The following NCS1 variants were observed in gnomAD, a reference collection of about 807,000 sequenced individuals.
NCS1 encodes frequenin homolog.
In NCS1, 6 loss-of-function variants were observed where a neutral mutation model predicts 28.4. That is an observed-to-expected ratio of 0.21 (90% CI 0.12 to 0.42). The LOEUF is 0.42. Ranked by LOEUF, NCS1 falls within the 10% of genes least tolerant of loss-of-function variation. The pLI is 1.00. For synonymous variants in NCS1, 86 were observed against 99.3 expected, an observed-to-expected ratio of 0.87 and a Z score of 0.79; for missense variants, 131 against 241.4, an observed-to-expected ratio of 0.54 and a Z score of 3.03.
chr9:130,173,152 CGCT>C (rs1832512204), intron 1 of NCS1, among the ~76,000 whole-genome samples: 1 of 151,614 alleles, frequency 6.6e-6, no homozygotes, highest in Admixed American at 6.6e-5. Context: ...CCGCCGCCGC[CGCT>C]GCTGCGAGAT....
At chr9:130,206,686 A>C (rs1253114459) in intron 2 of NCS1, among the ~76,000 whole-genome samples, 2 of 151,844 alleles carry the variant, frequency 1.3e-5, no homozygotes, top group Non-Finnish European at 2.9e-5. Flanking sequence ...CTGGGATTAC[A>C]TGTGTGAGCC....
At chr9:130,230,307 C>T (rs548822979) in intron 7 of NCS1, among the ~76,000 whole-genome samples, 100 of 152,082 alleles carry the variant, frequency 6.6e-4, no homozygotes, top group Non-Finnish European at 1.2e-3. Flanking sequence ...GCCAAAACCA[C>T]TCCACTGCAC....
chr9:130,175,041 G>T lies in NCS1; in HGVS notation c.64+2314G>T, dbSNP rs1480470205. On this transcript the variant is annotated intron_variant, in intron 1 of 7. Coordinates refer to ENST00000372398, the MANE Select transcript of NCS1 (RefSeq NM_014286.4). The surrounding 1 kb of genome is among the most constrained non-coding windows in gnomAD (Gnocchi z 4.9). Reference sequence around the variant, plus strand: ...ACAGTTTTGGGCAGAGAGAGAGTTGGCCTGGGTACTTTTCCTCTGTCGAAG... The same window carrying T: ...ACAGTTTTGGGCAGAGAGAGAGTTGTCCTGGGTACTTTTCCTCTGTCGAAG... Among the ~76,000 whole-genome samples the T allele has an allele frequency of 6.6e-6, 1 of 152,082 alleles. No individual in the cohort carries two copies. The highest frequency in any genetic ancestry group is 6.6e-5 in the Admixed American group (1 of 15,258).
intron 4 of NCS1, among the ~76,000 whole-genome samples, chr9:130,220,543 G>T (rs545189305): frequency 6.6e-6 from 1 of 152,034 alleles, no homozygotes; most frequent in Admixed American, 6.6e-5. Context: ...CAGGGGGCCC[G>T]CGTGTGCGAG....
In NCS1 at chr9:130,226,520, G is replaced by A; in HGVS notation, c.*17+16G>A. ...CTGGAGCTGGGTGAGTGCAGACTCG[G>A]GGCCTGGGGTGGGTCTGGGATGGGT... On this transcript the variant is annotated intron_variant, in intron 7 of 7. Coordinates refer to ENST00000372398, the MANE Select transcript of NCS1 (RefSeq NM_014286.4). This position sits in a 1 kb window ranked among gnomAD's most constrained non-coding sequence, Gnocchi z 4.8. 1 of 1,586,478 alleles carries A rather than the reference G, an allele frequency of 6.3e-7. No individual in the cohort carries two copies. The highest frequency in any genetic ancestry group is 8.6e-7 in the Non-Finnish European group (1 of 1,159,934).
chr9:130,190,031 C>T (rs1172399044), intron 1 of NCS1, among the ~76,000 whole-genome samples: 1 of 37,436 alleles, frequency 2.7e-5, no homozygotes, highest in African/African-American at 9.5e-5. Context: ...TATGTTTATG[C>T]AAGAGAGAGA....
Position 130,226,628 on chromosome 9 carries a change from A to G in NCS1, c.*17+124A>G. The G allele has an allele frequency of 1.4e-6, 1 of 716,942 alleles. No homozygotes were observed. Among genetic ancestry groups the G allele is most frequent in the Non-Finnish European group, 2.4e-6 (1 of 421,064 alleles). The allele number at this position is 716,942 out of a possible 1,614,324, so 44.4% of individuals were successfully genotyped here. A position where few individuals can be genotyped will look rare whatever the true frequency, so the allele number is the denominator to read the frequency against. On this transcript the variant is annotated intron_variant, in intron 7 of 7. Transcript: ENST00000372398. This position sits in a 1 kb window ranked among gnomAD's most constrained non-coding sequence, Gnocchi z 4.8. ...CTGGGGGTGTTGTGGTCAGCCTAGC[A>G]GGGACATAGCTGGGAGGAGGAGGCT...
intron 2 of NCS1, among the ~76,000 whole-genome samples, chr9:130,205,239 G>A (rs1363868245): frequency 6.6e-6 from 1 of 152,112 alleles, no homozygotes; most frequent in African/African-American, 2.4e-5. Flanking sequence ...CTGGGAGGGG[G>A]ACACGAGCCT....
intron 1 of NCS1, among the ~76,000 whole-genome samples, chr9:130,187,140 G>T (rs957006072): frequency 1.2e-4 from 19 of 152,138 alleles, no homozygotes; most frequent in African/African-American, 3.6e-4. Flanking sequence ...GGAAAGCAGG[G>T]GAGCAATGTG....
At chr9:130,225,377 C>T (rs1045589091) in intron 6 of NCS1, among the ~76,000 whole-genome samples, 5 of 152,242 alleles carry the variant, frequency 3.3e-5, no homozygotes, top group Non-Finnish European at 7.3e-5. Flanking sequence ...ACCCAGCTGG[C>T]GTCTTGGTAA....
rs5900889 is a variant in NCS1, at chr9:130,235,120, A to ACCCC, written c.*2152_*2155dup. On this transcript the variant is annotated 3_prime_UTR_variant, in exon 8 of 8. Coordinates refer to ENST00000372398, the MANE Select transcript of NCS1 (RefSeq NM_014286.4). ...AGGACTGCACGCTGGCCCCACGGTA[A>ACCCC]CCCCCCCTCCCCCACCAACATCCTG... 6.7e-5 allele frequency: 10 copies of ACCCC among 148,502 alleles called. No homozygotes were observed. Among genetic ancestry groups the ACCCC allele is most frequent in the African/African-American group, 2.5e-4 (10 of 39,432 alleles). 9.2% of individuals were successfully genotyped at this position (148,502 alleles called of 1,614,324 possible).
intron 7 of NCS1, among the ~76,000 whole-genome samples, chr9:130,227,022 CAAA>C (rs782338218): frequency 2.3e-5 from 1 of 42,708 alleles, no homozygotes; most frequent in Non-Finnish European, 4.6e-5. Context: ...GACTCCATCT[CAAA>C]AAAAAAAAAA....
At chr9:130,184,122 T>A (rs1554905433) in intron 1 of NCS1, among the ~76,000 whole-genome samples, 1 of 152,142 alleles carries the variant, frequency 6.6e-6, no homozygotes, top group East Asian at 1.9e-4. Context: ...TTTTCTTTTC[T>A]TTCTTCTGCT....
chr9:130,178,126 A>G (rs2131114240), intron 1 of NCS1, among the ~76,000 whole-genome samples: 1 of 152,198 alleles, frequency 6.6e-6, no homozygotes, highest in Admixed American at 6.5e-5. Context: ...CGGCCTCCTG[A>G]AGTGTTGGGA....
Position 130,186,187 on chromosome 9 carries a change from A to G in NCS1, c.64+13460A>G, listed in dbSNP as rs1455474206. 1.3e-5 allele frequency among the ~76,000 whole-genome samples: 2 copies of G among 152,156 alleles called. No homozygotes were observed. Among genetic ancestry groups the G allele is most frequent in the Non-Finnish European group, 2.9e-5 (2 of 68,020 alleles). On this transcript the variant is annotated intron_variant, in intron 1 of 7. Transcript: ENST00000372398. The surrounding 1 kb of genome is among the most constrained non-coding windows in gnomAD (Gnocchi z 4.1). ...AGCTGCCTCGTGTTAGGCCCTGCGGATGCTGGGGCCACAGGGCAGGCTGGC... is the reference window on the plus strand; with the variant it reads ...AGCTGCCTCGTGTTAGGCCCTGCGGGTGCTGGGGCCACAGGGCAGGCTGGC...
In NCS1 at chr9:130,228,721, C is replaced by T. The variant is rs114008342; in HGVS notation, c.*17+2217C>T. On this transcript the variant is annotated intron_variant, in intron 7 of 7. Coordinates refer to ENST00000372398, the MANE Select transcript of NCS1 (RefSeq NM_014286.4). The stretch of plus-strand genomic sequence containing the variant: ...TCACTCCATCACCTAGGCTGGAGTG[C>T]AGTGACATGATTTCAGCTCACTGCA... Among the ~76,000 whole-genome samples, 558 of 150,276 alleles carry T rather than the reference C, an allele frequency of 3.7e-3. 6 individuals are homozygous for T. Among genetic ancestry groups the T allele is most frequent in the African/African-American group, 0.013 (538 of 40,840 alleles).
intron 4 of NCS1, among the ~76,000 whole-genome samples, chr9:130,221,671 A>C (rs1554910487): frequency 6.9e-6 from 1 of 145,468 alleles, no homozygotes; most frequent in East Asian, 2.0e-4. Flanking sequence ...ACCTCAGGTG[A>C]TCTGCCCGCC....
intron 1 of NCS1, among the ~76,000 whole-genome samples, chr9:130,184,248 G>A (rs1344232459): frequency 6.6e-6 from 1 of 152,222 alleles, no homozygotes; most frequent in Non-Finnish European, 1.5e-5. Flanking sequence ...AGAACTGGGA[G>A]AGGGATGCTG....
intron 2 of NCS1, among the ~76,000 whole-genome samples, chr9:130,212,163 C>T (rs535040598): frequency 2.0e-5 from 3 of 152,270 alleles, no homozygotes; most frequent in South Asian, 2.1e-4. Context: ...GGGGCAGAAT[C>T]GTTCCTGGAA....
Sources: gnomAD v4.1 joint callset for allele counts (sites outside exome capture counted in the v4.1 genomes callset) on GRCh38, gnomAD v4.1.1 for gene constraint, Gnocchi (gnomAD v3.1) non-coding constraint, MANE v1.5 for transcripts, NCBI Gene and HGNC (gene_info 2026-07-23, HGNC 2026-07-21) for gene names.